Variants in RBFOX3 observed in about 807,000 individuals in gnomAD.
The protein encoded by RBFOX3 is RNA binding protein fox-1 homolog 3.
Under a neutral mutation model 48.7 loss-of-function variants are expected in RBFOX3, and 17 were observed. That is an observed-to-expected ratio of 0.35 (90% CI 0.24 to 0.52). The LOEUF (loss-of-function observed/expected upper bound fraction) is 0.52, where lower values mean the gene tolerates loss of function less well. RBFOX3 is among the 20% of genes least tolerant of loss of function. RBFOX3 has a pLI of 0.94. For missense variants in RBFOX3, 382 were observed against 497.5 expected, an observed-to-expected ratio of 0.77 and a Z score of 2.21; for synonymous variants, 212 against 209.5, an observed-to-expected ratio of 1.01 and a Z score of -0.10.
At chr17:79,411,653 C>G (rs754545816) in intron 2 of RBFOX3, among the ~76,000 whole-genome samples, 89 of 152,352 alleles carry the variant, frequency 5.8e-4, no homozygotes, top group African/African-American at 1.6e-3. Context: ...AGGACCAGAG[C>G]CTCATTCCCT....
At chr17:79,285,302 A>G (rs2071607927) in intron 3 of RBFOX3, among the ~76,000 whole-genome samples, 1 of 152,106 alleles carries the variant, frequency 6.6e-6, no homozygotes, top group Non-Finnish European at 1.5e-5. Context: ...AAGAATTCCC[A>G]TTTGCTCTTT....
At chr17:79,408,302 G>A (rs768807867) in intron 2 of RBFOX3, among the ~76,000 whole-genome samples, 2 of 152,114 alleles carry the variant, frequency 1.3e-5, no homozygotes, top group Non-Finnish European at 2.9e-5. Flanking sequence ...TCACCCAAGC[G>A]AGACCAGTGG....
intron 4 of RBFOX3, among the ~76,000 whole-genome samples, chr17:79,173,219 A>C (rs9898666): frequency 0.44 from 66,150 of 150,530 alleles, 15,131 homozygotes; most frequent in Non-Finnish European, 0.5. Flanking sequence ...TAAATAAATA[A>C]ATACATACAT....
intron 1 of RBFOX3, among the ~76,000 whole-genome samples, chr17:79,487,788 G>C (rs1261908827): frequency 6.6e-6 from 1 of 151,856 alleles, no homozygotes; most frequent in Non-Finnish European, 1.5e-5. Context: ...GCAGGCGCCT[G>C]TAGTCCCAGC....
At chr17:79,175,628 C>G (rs1023462530) in intron 4 of RBFOX3, among the ~76,000 whole-genome samples, 4 of 152,244 alleles carry the variant, frequency 2.6e-5, no homozygotes, top group African/African-American at 9.6e-5. Flanking sequence ...GCTGCCCTGG[C>G]TCCCCAGTGC....
chr17:79,397,557 T>A (rs929401016), intron 2 of RBFOX3, among the ~76,000 whole-genome samples: 1 of 147,286 alleles, frequency 6.8e-6, no homozygotes, highest in Non-Finnish European at 1.5e-5. Flanking sequence ...AAGAGCCTCC[T>A]CGCATACCTC....
chr17:79,244,890 C>T (rs2062937117), intron 3 of RBFOX3, among the ~76,000 whole-genome samples: 1 of 145,850 alleles, frequency 6.9e-6, no homozygotes, highest in South Asian at 2.2e-4. Context: ...TCCCTCCCTC[C>T]ATCCCTCCCT....
At chr17:79,546,543 G>A (rs975729658) in intron 1 of RBFOX3, among the ~76,000 whole-genome samples, 1 of 142,164 alleles carries the variant, frequency 7.0e-6, no homozygotes, top group African/African-American at 3.1e-5. Context: ...GCTTCCCAAT[G>A]GCCTGTCTGT....
At chr17:79,277,196 G>T (rs190372344) in intron 3 of RBFOX3, among the ~76,000 whole-genome samples, 230 of 151,324 alleles carry the variant, frequency 1.5e-3, no homozygotes, top group Non-Finnish European at 2.1e-3. Flanking sequence ...ACTGGGTTCA[G>T]GCTCTGTACA....
At chr17:79,347,859 A>C (rs1317654404) in intron 2 of RBFOX3, among the ~76,000 whole-genome samples, 2 of 152,196 alleles carry the variant, frequency 1.3e-5, no homozygotes, top group Admixed American at 1.3e-4. Context: ...TGCCTTAAAA[A>C]AAATGCTTGT....
At chr17:79,385,977 C>T (rs1249616533) in intron 2 of RBFOX3, among the ~76,000 whole-genome samples, 9 of 149,276 alleles carry the variant, frequency 6.0e-5, no homozygotes, top group Non-Finnish European at 1.3e-4. Flanking sequence ...CAGATGGGGG[C>T]TCCATCACTC....
chr17:79,317,915 C>T (rs2077761606), intron 2 of RBFOX3, among the ~76,000 whole-genome samples: 2 of 152,168 alleles, frequency 1.3e-5, no homozygotes, highest in South Asian at 4.1e-4. Context: ...ATGCTAACTT[C>T]CCTATCTTGA....
chr17:79,402,431 A>G (rs1208667412), intron 2 of RBFOX3, among the ~76,000 whole-genome samples: 1 of 152,214 alleles, frequency 6.6e-6, no homozygotes, highest in Non-Finnish European at 1.5e-5. Flanking sequence ...AAACCTAATT[A>G]AATTGGGAGC....
Position 79,094,491 on chromosome 17 carries a change from T to G in RBFOX3, c.1037A>C (p.His346Pro), listed in dbSNP as rs1461251063. 2 of 1,459,522 alleles carry G rather than the reference T, an allele frequency of 1.4e-6. No individual in the cohort carries two copies. The highest frequency in any genetic ancestry group is 1.8e-6 in the Non-Finnish European group (2 of 1,106,374). 90.4% of individuals were successfully genotyped at this position (1,459,522 alleles called of 1,614,324 possible). Reference protein sequence around the residue: ...RVYAAADPYHHTIGPAATYSI... With the variant: ...RVYAAADPYHPTIGPAATYSI... ...GTAGGTCGCCGCGGGCCCGATGGTG[T>G]GATGGTACGGGTCGGCAGCTGCGTA... The change falls in exon 14 of 15, where the codon CAC becomes CCC. Residue 346 changes from histidine to proline, a missense_variant. His to Pro is a moderately conservative substitution (Grantham distance 77). This residue lies in a region of RBFOX3 where 215 missense variants were observed against 254.8 expected (regional missense o/e 0.84). Coordinates refer to ENST00000693108, the MANE Select transcript of RBFOX3 (RefSeq NM_001350451.2).
chr17:79,266,884 C>T (rs991339168), intron 3 of RBFOX3, among the ~76,000 whole-genome samples: 9 of 152,088 alleles, frequency 5.9e-5, no homozygotes, highest in South Asian at 2.1e-4. Flanking sequence ...AGGAGCTCCG[C>T]GCTCCTGCTC....
the RBFOX3 span, among the ~76,000 whole-genome samples, chr17:79,649,682 C>A: frequency 2.6e-5 from 4 of 152,080 alleles, no homozygotes; most frequent in Non-Finnish European, 4.4e-5. Flanking sequence ...CTTCAGCCGA[C>A]AGAGCAACAC....
the RBFOX3 span, among the ~76,000 whole-genome samples, chr17:79,620,934 G>T: frequency 6.6e-6 from 1 of 151,900 alleles, no homozygotes; most frequent in Non-Finnish European, 1.5e-5. Context: ...CTTCTACGCC[G>T]TTCCTGGGGA....
chr17:79,108,313 G>C (rs866207129), intron 5 of RBFOX3, among the ~76,000 whole-genome samples: 1 of 152,218 alleles, frequency 6.6e-6, no homozygotes, highest in African/African-American at 2.4e-5. Flanking sequence ...TGGTAGCATG[G>C]TCTCCCGTGT....
chr17:79,406,035 T>C (rs540669154), intron 2 of RBFOX3, among the ~76,000 whole-genome samples: 1 of 152,362 alleles, frequency 6.6e-6, no homozygotes, highest in South Asian at 2.1e-4. Flanking sequence ...CTTGCCCCTT[T>C]TCATGGCTGT....
Sources: allele counts gnomAD v4.1 joint callset (sites outside exome capture counted in the v4.1 genomes callset), GRCh38; gene constraint gnomAD v4.1.1; regional missense constraint gnomAD v4.1.1; transcripts MANE v1.5; gene names NCBI Gene and HGNC (gene_info 2026-07-23, HGNC 2026-07-21).